The following KIF2C variants were observed in gnomAD, a reference collection of about 807,000 sequenced individuals.
KIF2C encodes the protein kinesin family member 2C.
A neutral mutation model predicts 97.4 loss-of-function variants in KIF2C; 34 were observed. That is an observed-to-expected ratio of 0.35 (90% CI 0.27 to 0.46). KIF2C has a LOEUF of 0.46. KIF2C is among the 20% of genes least tolerant of loss of function. The pLI, the probability that KIF2C is intolerant of heterozygous loss-of-function variation, is 1.00. For missense variants in KIF2C, 750 were observed against 907.6 expected (o/e 0.83, Z 2.23); for synonymous variants, 313 against 318.2 (o/e 0.98, Z 0.17).
At chr1:44,748,208 A>G (rs905541909) in intron 4 of KIF2C, among the ~76,000 whole-genome samples, 1 of 152,198 alleles carries the variant, frequency 6.6e-6, no homozygotes, top group Admixed American at 6.5e-5. Flanking sequence ...CTTTGACAAC[A>G]TGATAGACTG....
chr1:44,762,068 C>T, intron 17 of KIF2C, 85 bp downstream of exon 17: 1 of 1,229,514 alleles, frequency 8.1e-7, no homozygotes, highest in Non-Finnish European at 1.2e-6. Context: ...GCTCTGGGGC[C>T]TCAGGGCCTA....
chr1:44,766,299 C>T (rs1573582019), intron 19 of KIF2C, among the ~76,000 whole-genome samples: 1 of 152,022 alleles, frequency 6.6e-6, no homozygotes, highest in Non-Finnish European at 1.5e-5. Flanking sequence ...ATTCATTTGA[C>T]ATAAGAGATG....
At chr1:44,753,557 G>A (rs938245369) in intron 6 of KIF2C, among the ~76,000 whole-genome samples, 176 bp from the exon 7 acceptor site, 1 of 152,042 alleles carries the variant, frequency 6.6e-6, no homozygotes, top group Non-Finnish European at 1.5e-5. Context: ...TGTCCATCCC[G>A]AGAGTCACAT....
chr1:44,760,828 C>A lies in KIF2C; in HGVS notation c.1683+126C>A. The A allele has an allele frequency of 2.8e-6, 2 of 716,910 alleles. No individual in the cohort carries two copies. Among genetic ancestry groups the A allele is most frequent in the South Asian group, 1.7e-5 (1 of 58,210 alleles). 44.4% of individuals were successfully genotyped at this position (716,910 alleles called of 1,614,324 possible). A position where few individuals can be genotyped will look rare whatever the true frequency, so the allele number is the denominator to read the frequency against. ...GGCTGCCTGGGTTTCCAGGCTGTAC[C>A]GTGACTGGGCTTCCAGACCCTGCTT... is the stretch of plus-strand genomic sequence containing the variant. On this transcript the variant is annotated intron_variant, in intron 16 of 20. Coordinates refer to ENST00000372224, the MANE Select transcript of KIF2C (RefSeq NM_006845.4). The surrounding 1 kb of genome is among the most constrained non-coding windows in gnomAD (Gnocchi z 4.2).
intron 1 of KIF2C, 106 bp downstream of exon 1, chr1:44,740,108 C>G: frequency 2.2e-6 from 3 of 1,343,924 alleles, no homozygotes; most frequent in Non-Finnish European, 1.1e-6. Flanking sequence ...CTTTCTCTCC[C>G]TCCCTCCTTT....
intron 19 of KIF2C, among the ~76,000 whole-genome samples, chr1:44,766,377 C>T (rs976173118): frequency 3.3e-5 from 5 of 152,002 alleles, no homozygotes; most frequent in African/African-American, 9.7e-5. Flanking sequence ...TTTGAGAGGC[C>T]GAGGCCTGCG....
At chr1:44,747,273 C>T (rs1470522218) in intron 2 of KIF2C, 111 bp from the exon 3 acceptor site, 4 of 842,424 alleles carry the variant, frequency 4.7e-6, no homozygotes, top group Non-Finnish European at 7.6e-6. Flanking sequence ...GCACCACTGC[C>T]CTCCAGCCTG....
intron 19 of KIF2C, among the ~76,000 whole-genome samples, chr1:44,766,428 A>G (rs543235874): frequency 8.0e-4 from 121 of 152,028 alleles, no homozygotes; most frequent in African/African-American, 2.5e-3. Context: ...CCTGGCCAAC[A>G]TGGAGAAACC....
In KIF2C at chr1:44,767,306, A is replaced by G. The variant is rs1650523716; in HGVS notation, c.*127A>G. The G allele has an allele frequency of 2.7e-6, 2 of 748,794 alleles. No homozygotes were observed. Among genetic ancestry groups the G allele is most frequent in the Non-Finnish European group, 4.5e-6 (2 of 446,126 alleles). 46.4% of individuals were successfully genotyped at this position (748,794 alleles called of 1,614,324 possible). A position where few individuals can be genotyped will look rare whatever the true frequency, so the allele number is the denominator to read the frequency against. On this transcript the variant is annotated 3_prime_UTR_variant, in exon 21 of 21. Transcript: ENST00000372224. ...GGACAGGTTCTGGTAAATGCCAAGTATGGGGGCATCTGGGCCCAGGGCAGC... is the reference window on the plus strand; with the variant it reads ...GGACAGGTTCTGGTAAATGCCAAGTGTGGGGGCATCTGGGCCCAGGGCAGC...
chr1:44,764,335 C>G (rs1203796463), intron 19 of KIF2C, among the ~76,000 whole-genome samples: 1 of 152,032 alleles, frequency 6.6e-6, no homozygotes, highest in East Asian at 1.9e-4. Context: ...GCCACCATGC[C>G]TGGCTAATTT....
chr1:44,767,159 A>G lies in KIF2C; in HGVS notation c.2158A>G (p.Ser720Gly), dbSNP rs746494219. The G allele has an allele frequency of 3.1e-6, 5 of 1,614,072 alleles. No individual in the cohort carries two copies. The highest frequency in any genetic ancestry group is 4.2e-6 in the Non-Finnish European group (5 of 1,180,028). ...AGAGCAGGCTAGCAGACAAATAAGC[A>G]GCAAGAAACGGCCCCAGTGACGACT... ...LEEQASRQISSKKRPQ is the reference protein window; with the variant it reads ...LEEQASRQISGKKRPQ The change falls in exon 21 of 21, where the codon AGC becomes GGC. Residue 720 changes from serine (S) to glycine (G), a missense_variant. Coordinates refer to ENST00000372224, the MANE Select transcript of KIF2C (RefSeq NM_006845.4).
chr1:44,753,964 T>A, intron 7 of KIF2C, 131 bp downstream of exon 7: 1 of 355,814 alleles, frequency 2.8e-6, no homozygotes, highest in Non-Finnish European at 5.0e-6. Context: ...AATTCTTTTT[T>A]TTTTTTTTTT....
At chr1:44,756,769 C>G (rs2148829511) in intron 10 of KIF2C, among the ~76,000 whole-genome samples, 1 of 151,680 alleles carries the variant, frequency 6.6e-6, no homozygotes, top group African/African-American at 2.4e-5. Context: ...TCAGGCTGGT[C>G]TCAAACTCCT....
At chr1:44,746,721 C>G in intron 2 of KIF2C, 3 of 1,609,978 alleles carry the variant, frequency 1.9e-6, no homozygotes, top group Non-Finnish European at 8.5e-7. Context: ...TGACGTCTAC[C>G]ATTGGCTTGG....
At position 44,742,290 on chromosome 1, in the gene KIF2C, T is replaced by C. The variant is rs1049692549; in HGVS notation, c.165+1283T>C. On this transcript the variant is annotated intron_variant, in intron 2 of 20. Coordinates refer to ENST00000372224, the MANE Select transcript of KIF2C (RefSeq NM_006845.4). ...ACGCCCGGCTAATTTTTTGTATTTTTAGTAGAGATGGGGTTTCACTGTGTT... is the reference window on the plus strand; with the variant it reads ...ACGCCCGGCTAATTTTTTGTATTTTCAGTAGAGATGGGGTTTCACTGTGTT... 2.6e-5 allele frequency among the ~76,000 whole-genome samples: 4 copies of C among 151,918 alleles called. No individual in the cohort carries two copies. The East Asian group carries it at 5.9e-4, about 22-fold the overall frequency.
rs771233758 is a variant in KIF2C, at chr1:44,753,826, G to C, written c.656G>C (p.Arg219Thr). ...KAQNSEMRMK[R>T]AQEYDSSFPN... The stretch of plus-strand genomic sequence containing the variant: ...CAGAACTCTGAAATGAGAATGAAGA[G>C]AGCTCAGGTACCTTTCTTGGGAGAC... Residue 219 changes from arginine to threonine, a missense_variant, in exon 7 of 21, where the codon AGA (arginine) becomes ACA (threonine). Arg to Thr is a moderately conservative substitution (Grantham distance 71). Transcript: ENST00000372224. The C allele has an allele frequency of 6.2e-7, 1 of 1,603,328 alleles. No homozygotes were observed. Among genetic ancestry groups the C allele is most frequent in the South Asian group, 1.1e-5 (1 of 89,318 alleles).
At position 44,760,633 on chromosome 1, in the gene KIF2C, G is replaced by C. The variant is rs775625812; in HGVS notation, c.1614G>C (p.Pro538=). 1.2e-6 allele frequency: 2 copies of C among 1,614,090 alleles called. No individual in the cohort carries two copies. Among genetic ancestry groups the C allele is most frequent in the Non-Finnish European group, 1.7e-6 (2 of 1,180,044 alleles). Residue 538 remains proline (P), a synonymous_variant, in exon 16 of 21, where the codon CCG becomes CCC. Transcript: ENST00000372224. The surrounding 1 kb of genome is among the most constrained non-coding windows in gnomAD (Gnocchi z 4.2). ...TGGGACAGAACAAGGCTCACACCCC[G>C]TTCCGTGAGAGCAAGCTGACACAGG... ...RALGQNKAHT[P]FRESKLTQVL...
rs527729493 is a variant in KIF2C, at chr1:44,761,007, C to G, written c.1683+305C>G. The G allele has an allele frequency of 7.9e-5, 26 of 327,290 alleles. No homozygotes were observed. The South Asian group carries it at 8.2e-4, about 10-fold the overall frequency. 20.3% of individuals were successfully genotyped at this position (327,290 alleles called of 1,614,324 possible). A position where few individuals can be genotyped will look rare whatever the true frequency, so the allele number is the denominator to read the frequency against. ...GAATTCGGAAGATGGGCCTTTGGGT[C>G]AGCAGGAGAGGGAAGTCCTTGTCTT... On this transcript the variant is annotated intron_variant, in intron 16 of 20. Coordinates refer to ENST00000372224, the MANE Select transcript of KIF2C (RefSeq NM_006845.4).
intron 7 of KIF2C, among the ~76,000 whole-genome samples, chr1:44,754,145 A>G (rs1281492233): frequency 2.0e-5 from 3 of 151,220 alleles, no homozygotes; most frequent in South Asian, 4.2e-4. Context: ...GAGTTTCGCT[A>G]TTTTGCCCAG....
Sources: gnomAD v4.1 joint callset for allele counts (sites outside exome capture counted in the v4.1 genomes callset) on GRCh38, gnomAD v4.1.1 for gene constraint, Gnocchi (gnomAD v3.1) non-coding constraint, MANE v1.5 for transcripts, NCBI Gene and HGNC (gene_info 2026-07-23, HGNC 2026-07-21) for gene names.